Variants in PRKAG2 observed in about 807,000 individuals in gnomAD.
PRKAG2 encodes protein kinase AMP-activated non-catalytic subunit gamma 2, also known as 5'-AMP-activated protein kinase subunit gamma-2.
PRKAG2 carries 26 observed loss-of-function variants against 69.6 expected under a neutral mutation model. That is an observed-to-expected ratio of 0.37 (90% CI 0.27 to 0.52). PRKAG2 has a LOEUF of 0.52. Among genes scored for constraint, PRKAG2 ranks in the 20% least tolerant of loss-of-function variants. The pLI is 0.90. For synonymous variants in PRKAG2, 293 were observed against 285.0 expected (o/e 1.03, Z -0.28); for missense variants, 557 against 740.0 (o/e 0.75, Z 2.87).
At chr7:151,725,325 C>A (rs1256221543) in intron 3 of PRKAG2, among the ~76,000 whole-genome samples, 1 of 152,044 alleles carries the variant, frequency 6.6e-6, no homozygotes, top group Non-Finnish European at 1.5e-5. Flanking sequence ...GACGAGAGGT[C>A]CCTGGAGTCA....
chr7:151,743,764 G>A (rs1161338142), intron 3 of PRKAG2, among the ~76,000 whole-genome samples: 2 of 152,248 alleles, frequency 1.3e-5, no homozygotes, highest in Non-Finnish European at 2.9e-5. Flanking sequence ...ATCCCTGGGA[G>A]CAGCATGTCC....
intron 1 of PRKAG2, among the ~76,000 whole-genome samples, chr7:151,833,910 G>A (rs954575612): frequency 6.6e-6 from 1 of 152,246 alleles, no homozygotes; most frequent in Non-Finnish European, 1.5e-5. Context: ...GGGAGCCTGA[G>A]GCCACAGCCA....
intron 11 of PRKAG2, chr7:151,566,493 A>AGGAG: frequency 2.6e-6 from 1 of 378,766 alleles, no homozygotes; most frequent in South Asian, 2.0e-5. Flanking sequence ...GTTTTAAAGG[A>AGGAG]GGAGGGATAT....
intron 5 of PRKAG2, among the ~76,000 whole-genome samples, chr7:151,612,194 C>G (rs1188721969): frequency 2.0e-5 from 3 of 152,182 alleles, no homozygotes; most frequent in African/African-American, 7.2e-5. Flanking sequence ...GTAACATGCT[C>G]AGCCTGTCTC....
At chr7:151,716,112 A>G (rs1796147737) in intron 3 of PRKAG2, among the ~76,000 whole-genome samples, 1 of 152,168 alleles carries the variant, frequency 6.6e-6, no homozygotes, top group Non-Finnish European at 1.5e-5. Context: ...TTTCTCTTTG[A>G]TAAGTGCTGG....
chr7:151,617,716 T>A (rs978464432), intron 5 of PRKAG2, among the ~76,000 whole-genome samples: 1 of 152,160 alleles, frequency 6.6e-6, no homozygotes, highest in African/African-American at 2.4e-5. Flanking sequence ...AGACTAAGTG[T>A]ATAAGAATGA....
At chr7:151,851,477 C>T (rs530972505) in intron 1 of PRKAG2, among the ~76,000 whole-genome samples, 3 of 152,268 alleles carry the variant, frequency 2.0e-5, no homozygotes, top group South Asian at 2.1e-4. Flanking sequence ...CAGGCTGGTG[C>T]GGGGATCTGA....
Position 151,876,995 on chromosome 7 carries a change from G to T in PRKAG2, c.-375C>A. On this transcript the variant is annotated 5_prime_UTR_variant, in exon 1 of 16. Coordinates refer to ENST00000287878, the MANE Select transcript of PRKAG2 (RefSeq NM_016203.4). ...TCCCACAGATTCCCAGAGGTAATCTGAAAGGCAGGTGCAATTAAAACCAGC... is the reference window on the plus strand; with the variant it reads ...TCCCACAGATTCCCAGAGGTAATCTTAAAGGCAGGTGCAATTAAAACCAGC... The T allele has an allele frequency of 2.9e-6, 1 of 347,480 alleles. No homozygotes were observed. The highest frequency in any genetic ancestry group is 2.6e-5 in the South Asian group (1 of 38,358). 21.5% of individuals were successfully genotyped at this position (347,480 alleles called of 1,614,324 possible).
intron 6 of PRKAG2, among the ~76,000 whole-genome samples, chr7:151,593,838 G>C (rs1813801340): frequency 6.6e-6 from 1 of 152,154 alleles, no homozygotes; most frequent in South Asian, 2.1e-4. Context: ...AAGCCAATTT[G>C]CAAAAATCAA....
At chr7:151,591,303 C>T (rs1272477930) in intron 6 of PRKAG2, among the ~76,000 whole-genome samples, 1 of 152,224 alleles carries the variant, frequency 6.6e-6, no homozygotes, top group Admixed American at 6.5e-5. Flanking sequence ...TGTCTCAAGG[C>T]TGCGGCACCC....
Position 151,715,235 on chromosome 7 carries a change from C to T in PRKAG2, c.467-39598G>A, listed in dbSNP as rs577829736. On this transcript the variant is annotated intron_variant, in intron 3 of 15. Transcript: ENST00000287878. ...TTCGCCGTGTTGGCCAGGCTGGTCT[C>T]GAACTCCTAACCTCAGGTGAGCCAC... Among the ~76,000 whole-genome samples, 8 of 139,142 alleles carry T rather than the reference C, an allele frequency of 5.7e-5. No homozygotes were observed. The South Asian group carries it at 1.6e-3, about 27-fold the overall frequency. 91.3% of individuals were successfully genotyped at this position (139,142 alleles called of 152,430 possible). A position where few individuals can be genotyped will look rare whatever the true frequency, so the allele number is the denominator to read the frequency against.
intron 3 of PRKAG2, among the ~76,000 whole-genome samples, chr7:151,760,631 GCT>G (rs2075358749): frequency 2.0e-5 from 3 of 152,120 alleles, no homozygotes; most frequent in South Asian, 4.1e-4. Flanking sequence ...CCTCTGAGTG[GCT>G]CTCTCTCTGG....
chr7:151,689,196 T>C (rs764442693), intron 3 of PRKAG2, among the ~76,000 whole-genome samples: 12 of 152,170 alleles, frequency 7.9e-5, no homozygotes, highest in Non-Finnish European at 7.4e-5. Context: ...CTCTGAACCC[T>C]TGGTGGTAGC....
intron 5 of PRKAG2, among the ~76,000 whole-genome samples, chr7:151,608,208 A>G (rs1381957793): frequency 6.6e-6 from 1 of 152,128 alleles, no homozygotes; most frequent in Non-Finnish European, 1.5e-5. Context: ...GGACTTAGGA[A>G]CCAACCCTGC....
At chr7:151,801,187 T>C (rs1490664727) in intron 1 of PRKAG2, among the ~76,000 whole-genome samples, 2 of 152,158 alleles carry the variant, frequency 1.3e-5, no homozygotes, top group African/African-American at 4.8e-5. Flanking sequence ...ATTCTTCCTG[T>C]ATCCACGGCT....
At chr7:151,729,319 C>T (rs1798539427) in intron 3 of PRKAG2, among the ~76,000 whole-genome samples, 1 of 152,050 alleles carries the variant, frequency 6.6e-6, no homozygotes, top group African/African-American at 2.4e-5. Flanking sequence ...AAGGATGCCG[C>T]ACCCCTAGGA....
intron 1 of PRKAG2, among the ~76,000 whole-genome samples, chr7:151,787,743 A>G (rs994757968): frequency 5.3e-5 from 8 of 152,144 alleles, no homozygotes; most frequent in African/African-American, 1.9e-4. Flanking sequence ...TCAGAATGTG[A>G]CTGTATTTGG....
intron 5 of PRKAG2, among the ~76,000 whole-genome samples, chr7:151,625,765 C>T (rs373519323): frequency 2.0e-5 from 3 of 152,032 alleles, no homozygotes; most frequent in Admixed American, 6.6e-5. Flanking sequence ...AGAAAGAAAA[C>T]AAACCGAAGA....
chr7:151,684,004 T>C (rs375434865), intron 3 of PRKAG2, among the ~76,000 whole-genome samples: 3 of 152,258 alleles, frequency 2.0e-5, no homozygotes, highest in South Asian at 2.1e-4. Context: ...ACGGCCCCTA[T>C]TGCCCGCAGG....
Sources: allele counts gnomAD v4.1 joint callset (sites outside exome capture counted in the v4.1 genomes callset), GRCh38; gene constraint gnomAD v4.1.1; transcripts MANE v1.5; gene names NCBI Gene and HGNC (gene_info 2026-07-23, HGNC 2026-07-21).